RORA: variants seen among roughly 807,000 people sequenced by gnomAD.
RORA encodes the protein RAR related orphan receptor A.
RORA carries 7 observed loss-of-function variants against 69.5 expected under a neutral mutation model. That is an observed-to-expected ratio of 0.10 (90% CI 0.06 to 0.19). The LOEUF (loss-of-function observed/expected upper bound fraction) is 0.19, where lower values mean the gene tolerates loss of function less well. Among genes scored for constraint, RORA ranks in the 10% least tolerant of loss-of-function variants. The pLI, the probability that RORA is intolerant of heterozygous loss-of-function variation, is 1.00. For missense variants in RORA, 457 were observed against 663.0 expected (o/e 0.69, Z 3.41); for synonymous variants, 261 against 240.8 (o/e 1.08, Z -0.78).
At chr15:60,826,766 C>T (rs1680470) in intron 1 of RORA, among the ~76,000 whole-genome samples, 2,598 of 125,854 alleles carry the variant, frequency 0.021, 40 homozygotes, top group Middle Eastern at 0.035. Context: ...TCTCTCTCTC[C>T]CTCTCTCTCT....
intron 1 of RORA, among the ~76,000 whole-genome samples, chr15:60,767,255 A>G (rs1200245416): frequency 9.2e-5 from 14 of 152,092 alleles, no homozygotes; most frequent in Admixed American, 9.2e-4. Context: ...CTTTCTTGAT[A>G]TCTTGATGTT....
rs1241336534 is a variant in RORA, at chr15:61,067,528, T to C, written c.166+161525A>G. 3.3e-5 allele frequency among the ~76,000 whole-genome samples: 5 copies of C among 152,318 alleles called. No individual in the cohort carries two copies. The South Asian group carries it at 6.2e-4, about 19-fold the overall frequency. On this transcript the variant is annotated intron_variant, in intron 1 of 10. Transcript: ENST00000335670. ...AAATACTTTTATAAATTTCAAAAAT[T>C]ATGGCAGGTGGACATGCATCTCTCA...
intron 1 of RORA, among the ~76,000 whole-genome samples, chr15:60,760,290 A>C (rs1595692579): frequency 6.6e-6 from 1 of 152,192 alleles, no homozygotes; most frequent in East Asian, 1.9e-4. Context: ...TCTCTTCCAC[A>C]TGAAGCGTAT....
chr15:61,121,848 TAA>T (rs35795727), intron 1 of RORA, among the ~76,000 whole-genome samples: 115 of 133,106 alleles, frequency 8.6e-4, no homozygotes, highest in African/African-American at 9.8e-4. Context: ...TGACTTCCTA[TAA>T]AAAAAAAAAA....
chr15:61,137,905 A>C (rs1353137328), intron 1 of RORA, among the ~76,000 whole-genome samples: 2 of 152,224 alleles, frequency 1.3e-5, no homozygotes, highest in Non-Finnish European at 2.9e-5. Flanking sequence ...CCTGGGTAAC[A>C]ATCTTGAAAG....
At chr15:60,878,052 C>T (rs1176337427) in intron 1 of RORA, among the ~76,000 whole-genome samples, 1 of 151,744 alleles carries the variant, frequency 6.6e-6, no homozygotes, top group Non-Finnish European at 1.5e-5. Context: ...CCAGCGTTGG[C>T]CAGGTGCGGT....
intron 1 of RORA, among the ~76,000 whole-genome samples, chr15:60,937,706 G>A (rs1007142422): frequency 6.6e-5 from 10 of 152,096 alleles, no homozygotes; most frequent in African/African-American, 2.2e-4. Flanking sequence ...CCTGGTTCAC[G>A]TTTCAGCTCC....
At chr15:61,151,896 A>T (rs1270978338) in intron 1 of RORA, among the ~76,000 whole-genome samples, 1 of 152,168 alleles carries the variant, frequency 6.6e-6, no homozygotes. Flanking sequence ...TCCTGCATTC[A>T]CTATTAGCAC....
Position 61,197,392 on chromosome 15 carries a change from G to A in RORA, c.166+31661C>T, listed in dbSNP as rs925161795. ...GGTGTGGAGAAGCCTGCCAAGAGCCGAACCGCGGCCTGAGTTCTAAGCACC... is the reference window on the plus strand; with the variant it reads ...GGTGTGGAGAAGCCTGCCAAGAGCCAAACCGCGGCCTGAGTTCTAAGCACC... On this transcript the variant is annotated intron_variant, in intron 1 of 10. Transcript: ENST00000335670. Among the ~76,000 whole-genome samples the A allele has an allele frequency of 3.9e-5, 6 of 152,290 alleles. No homozygotes were observed. In the South Asian group the frequency reaches 6.2e-4, roughly 16 times the overall value.
intron 1 of RORA, among the ~76,000 whole-genome samples, chr15:61,013,349 G>A (rs1895152502): frequency 6.6e-6 from 1 of 152,200 alleles, no homozygotes; most frequent in African/African-American, 2.4e-5. Flanking sequence ...AGACCGCATG[G>A]CCCATAAAGC....
At chr15:60,978,251 A>G (rs1352697056) in intron 1 of RORA, among the ~76,000 whole-genome samples, 1 of 152,158 alleles carries the variant, frequency 6.6e-6, no homozygotes, top group African/African-American at 2.4e-5. Context: ...CATTTTCCTA[A>G]TGAATAATTT....
chr15:61,199,664 T>C (rs1186024772), intron 1 of RORA, among the ~76,000 whole-genome samples: 2 of 152,272 alleles, frequency 1.3e-5, no homozygotes, highest in South Asian at 2.1e-4. Context: ...TGAAAATATA[T>C]TGCAAGCAAA....
intron 2 of RORA, among the ~76,000 whole-genome samples, chr15:60,614,595 G>A (rs2069181466): frequency 6.6e-6 from 1 of 152,156 alleles, no homozygotes; most frequent in Admixed American, 6.5e-5. Flanking sequence ...ATAAAGACAT[G>A]GCTTCTGTGT....
At chr15:60,674,532 G>A (rs1351924210) in intron 2 of RORA, among the ~76,000 whole-genome samples, 1 of 152,134 alleles carries the variant, frequency 6.6e-6, no homozygotes, top group Non-Finnish European at 1.5e-5. Context: ...TTTTAAAATG[G>A]ATGCAAAAGA....
At chr15:60,787,495 C>T (rs767882031) in intron 1 of RORA, among the ~76,000 whole-genome samples, 15 of 152,252 alleles carry the variant, frequency 9.9e-5, no homozygotes, top group Non-Finnish European at 1.5e-4. Context: ...GGACAGCATA[C>T]GTTAGTGGGC....
chr15:60,914,995 A>G (rs977087289), intron 1 of RORA, among the ~76,000 whole-genome samples: 2 of 152,220 alleles, frequency 1.3e-5, no homozygotes, highest in African/African-American at 4.8e-5. Context: ...CCAGATGGTC[A>G]TGGTGATCAT....
intron 1 of RORA, among the ~76,000 whole-genome samples, chr15:60,865,285 G>A (rs1341613509): frequency 1.3e-5 from 2 of 152,192 alleles, no homozygotes; most frequent in African/African-American, 4.8e-5. Context: ...CTATCAAATG[G>A]AGAAGTTGGT....
At chr15:60,771,191 T>TCCC in intron 1 of RORA, among the ~76,000 whole-genome samples, 1 of 151,188 alleles carries the variant, frequency 6.6e-6, no homozygotes, top group Non-Finnish European at 1.5e-5. Flanking sequence ...CAACTCCCCC[T>TCCC]ACCCTCCATT....
At chr15:60,763,659 T>C (rs975914924) in intron 1 of RORA, among the ~76,000 whole-genome samples, 13 of 151,994 alleles carry the variant, frequency 8.6e-5, no homozygotes, top group Admixed American at 7.2e-4. Flanking sequence ...CGTGGGAAAA[T>C]ATGCCAGGGG....
Sources: gnomAD v4.1 joint callset for allele counts (sites outside exome capture counted in the v4.1 genomes callset) on GRCh38, gnomAD v4.1.1 for gene constraint, MANE v1.5 for transcripts, NCBI Gene and HGNC (gene_info 2026-07-23, HGNC 2026-07-21) for gene names.